Variants in BRPF1 observed in about 807,000 individuals in gnomAD.
BRPF1 encodes peregrin.
In BRPF1, 15 loss-of-function variants were observed where a neutral mutation model predicts 115.0. The observed-to-expected ratio is 0.13, with a 90% CI of 0.09 to 0.20. BRPF1 has a LOEUF of 0.20. BRPF1 is among the 10% of genes least tolerant of loss of function. The probability of loss-of-function intolerance (pLI) is 1.00; values close to 1 mark genes in which losing one functional copy is unlikely to be tolerated. For missense variants in BRPF1, 1,118 were observed against 1,638.3 expected, an observed-to-expected ratio of 0.68 and a Z score of 5.48; for synonymous variants, 647 against 619.8, an observed-to-expected ratio of 1.04 and a Z score of -0.65.
At position 9,738,411 on chromosome 3, in the gene BRPF1, G is replaced by T. The variant is rs1013793085; in HGVS notation, c.600-588G>T. ...TCAGTAAACCTTAGCTATTATAATTGTTATCTCCCAAGGCTATCCAGTGAA... is the reference window on the plus strand; with the variant it reads ...TCAGTAAACCTTAGCTATTATAATTTTTATCTCCCAAGGCTATCCAGTGAA... On this transcript the variant is annotated intron_variant, in intron 2 of 13. Coordinates refer to ENST00000383829, the MANE Select transcript of BRPF1 (RefSeq NM_001003694.2). Among the ~76,000 whole-genome samples the T allele has an allele frequency of 4.7e-4, 71 of 152,298 alleles. 3 individuals carry two copies. Among genetic ancestry groups the T allele is most frequent in the Admixed American group, 4.6e-3 (71 of 15,298 alleles).
intron 3 of BRPF1, 112 bp from the exon 4 acceptor site, chr3:9,740,667 A>C: frequency 3.7e-6 from 5 of 1,358,712 alleles, no homozygotes; most frequent in Non-Finnish European, 5.1e-6. Context: ...CTTTTGGACA[A>C]GAGATCCTCT....
At position 9,739,528 on chromosome 3, in the gene BRPF1, A is replaced by G. The variant is rs1358225322; in HGVS notation, c.1129A>G (p.Ile377Val). Residue 377 changes from isoleucine (I) to valine (V), a missense_variant, in exon 3 of 14, where the codon ATC becomes GTC. Physicochemically the swap from Ile to Val is conservative, Grantham distance 29. Coordinates refer to ENST00000383829, the MANE Select transcript of BRPF1 (RefSeq NM_001003694.2). ...FLEPIDSIEH[I>V]PPARWKLTCY... ...AGAGCCTATTGACAGCATTGAGCAC[A>G]TCCCACCAGCTCGCTGGAAGCTCAC... The G allele has an allele frequency of 1.2e-6, 2 of 1,613,498 alleles. No individual in the cohort carries two copies. The highest frequency in any genetic ancestry group is 1.7e-6 in the Non-Finnish European group (2 of 1,179,504).
rs2076901043 is a variant in BRPF1, at chr3:9,734,191, T to A, written c.51T>A (p.Thr17=). 6.2e-7 allele frequency: 1 copy of A among 1,613,294 alleles called. No individual in the cohort carries two copies. Among genetic ancestry groups the A allele is most frequent in the Non-Finnish European group, 8.5e-7 (1 of 1,179,548 alleles). ...VKTFCHNLRA[T]KPPYECPVET... ...CTTTCTGCCACAACTTGCGGGCGACTAAGCCACCATACGAGTGCCCGGTGG... is the reference window on the plus strand; with the variant it reads ...CTTTCTGCCACAACTTGCGGGCGACAAAGCCACCATACGAGTGCCCGGTGG... The change falls in exon 2 of 14, where the codon ACT becomes ACA. Residue 17 remains threonine (T), a synonymous_variant. Transcript: ENST00000383829. The surrounding 1 kb of genome is among the most constrained non-coding windows in gnomAD (Gnocchi z 5.7).
chr3:9,742,052 A>G lies in BRPF1; in HGVS notation c.1882A>G (p.Met628Val), dbSNP rs1276975571. 1.7e-5 allele frequency: 28 copies of G among 1,614,136 alleles called. No homozygotes were observed. Among genetic ancestry groups the G allele is most frequent in the Non-Finnish European group, 2.3e-5 (27 of 1,180,024 alleles). ...CAAGGTTCAGCAGATTGCCATGGAG[A>G]TGCAGCTGACTCCTTTCCTCATCCT... ...TIKVQQIAME[M>V]QLTPFLILLR... The change falls in exon 6 of 14, where the codon ATG (methionine) becomes GTG (valine). Residue 628 changes from methionine to valine, a missense_variant. This residue lies in a region of BRPF1 where 178 missense variants were observed against 303.7 expected (regional missense o/e 0.59). Coordinates refer to ENST00000383829, the MANE Select transcript of BRPF1 (RefSeq NM_001003694.2).
intron 2 of BRPF1, among the ~76,000 whole-genome samples, chr3:9,736,527 T>G (rs1481065491): frequency 6.6e-6 from 1 of 152,122 alleles, no homozygotes; most frequent in Non-Finnish European, 1.5e-5. Context: ...CACAGACCCC[T>G]CTTTGGACTT....
At chr3:9,736,144 A>T (rs1360202453) in intron 2 of BRPF1, among the ~76,000 whole-genome samples, 1 of 148,688 alleles carries the variant, frequency 6.7e-6, no homozygotes, top group African/African-American at 2.5e-5. Context: ...AGTAGCTGGG[A>T]TTACAGGCAC....
rs976384128 is a variant in BRPF1 at position 9,747,162 on chromosome 3, A to G, written c.3480-4A>G. ...ATTTATTTGATCTTCACCTTATCCTATAGGCAGTGGCTGCCCAGGACCAAG... is the reference window on the plus strand; with the variant it reads ...ATTTATTTGATCTTCACCTTATCCTGTAGGCAGTGGCTGCCCAGGACCAAG... On this transcript the variant is annotated splice_polypyrimidine_tract_variant and splice_region_variant and intron_variant, in intron 13 of 13. Coordinates refer to ENST00000383829, the MANE Select transcript of BRPF1 (RefSeq NM_001003694.2). The surrounding 1 kb of genome is among the most constrained non-coding windows in gnomAD (Gnocchi z 5.6). The G allele has an allele frequency of 1.2e-6, 2 of 1,613,930 alleles. No homozygotes were observed. The highest frequency in any genetic ancestry group is 1.7e-5 in the Admixed American group (1 of 59,982).
chr3:9,747,113 C>A lies in BRPF1; in HGVS notation c.3480-53C>A. The A allele has an allele frequency of 6.3e-7, 1 of 1,596,692 alleles. No individual in the cohort carries two copies. The highest frequency in any genetic ancestry group is 8.6e-7 in the Non-Finnish European group (1 of 1,167,590). ...TGTTTGAGTGAATAGAGGAGGAAGGCTGGTCCTTGTTCTCCCTGAGATGAT... is the reference window on the plus strand; with the variant it reads ...TGTTTGAGTGAATAGAGGAGGAAGGATGGTCCTTGTTCTCCCTGAGATGAT... On this transcript the variant is annotated intron_variant, in intron 13 of 13. Transcript: ENST00000383829. The surrounding 1 kb of genome is among the most constrained non-coding windows in gnomAD (Gnocchi z 5.6).
intron 2 of BRPF1, among the ~76,000 whole-genome samples, chr3:9,737,918 T>G (rs2076968689): frequency 6.6e-6 from 1 of 152,090 alleles, no homozygotes; most frequent in African/African-American, 2.4e-5. Flanking sequence ...TCTTTGTGAG[T>G]GGGTAGTATT....
Position 9,745,534 on chromosome 3 carries a change from C to G in BRPF1, c.3069-39C>G. On this transcript the variant is annotated intron_variant, in intron 10 of 13. Coordinates refer to ENST00000383829, the MANE Select transcript of BRPF1 (RefSeq NM_001003694.2). This position sits in a 1 kb window ranked among gnomAD's most constrained non-coding sequence, Gnocchi z 5.1. ...ACATACCATGCTGTTCCCCATTCTTCCCCTCCTTTGAGCTGAGCTCCCATT... is the reference window on the plus strand; with the variant it reads ...ACATACCATGCTGTTCCCCATTCTTGCCCTCCTTTGAGCTGAGCTCCCATT... The G allele has an allele frequency of 6.2e-7, 1 of 1,604,996 alleles. No homozygotes were observed. The highest frequency in any genetic ancestry group is 2.2e-5 in the East Asian group (1 of 44,706).
chr3:9,739,134 T>G lies in BRPF1; in HGVS notation c.735T>G (p.Phe245Leu). 1.2e-6 allele frequency: 2 copies of G among 1,614,042 alleles called. No homozygotes were observed. Among genetic ancestry groups the G allele is most frequent in the Non-Finnish European group, 1.7e-6 (2 of 1,179,938 alleles). The change falls in exon 3 of 14, where the codon TTT becomes TTG. Residue 245 changes from phenylalanine (F) to leucine (L), a missense_variant. By Grantham distance (22) the Phe-to-Leu change is conservative. Transcript: ENST00000383829. ...TAAGTCCCATCCCGCAGGAGATCTT[T>G]GAGTACCTAATGGACCGACTGGAGA... ...EGVSPIPQEI[F>L]EYLMDRLEKE...
At position 9,743,144 on chromosome 3, in the gene BRPF1, G is replaced by C. The variant is rs745346315; in HGVS notation, c.2202G>C (p.Val734=). ...AVRLREQGGA[V]LRQARRQAEK... ...GGCTTCGTGAGCAGGGTGGTGCTGT[G>C]CTCCGCCAGGCCCGGCGCCAGGCAG... The change falls in exon 7 of 14, where the codon GTG becomes GTC. Residue 734 remains valine (V), a synonymous_variant. Transcript: ENST00000383829. The surrounding 1 kb of genome is among the most constrained non-coding windows in gnomAD (Gnocchi z 6.1). 2.6e-5 allele frequency: 42 copies of C among 1,614,116 alleles called. No homozygotes were observed. Among genetic ancestry groups the C allele is most frequent in the Non-Finnish European group, 6.8e-6 (8 of 1,180,048 alleles).
In BRPF1 at chr3:9,734,316, G is replaced by C; in HGVS notation, c.176G>C (p.Arg59Pro). 6.2e-7 allele frequency: 1 copy of C among 1,614,026 alleles called. No individual in the cohort carries two copies. The highest frequency in any genetic ancestry group is 8.5e-7 in the Non-Finnish European group (1 of 1,180,022). Residue 59 changes from arginine to proline, a missense_variant, in exon 2 of 14, where the codon CGC becomes CCC. Physicochemically the swap from Arg to Pro is moderately radical, Grantham distance 103 (BLOSUM62 -2). Transcript: ENST00000383829. This position sits in a 1 kb window ranked among gnomAD's most constrained non-coding sequence, Gnocchi z 5.7. ...CCACCCCCACAACAAACTCCACTCCGCAAGCACAAGAAAAAGGGGCGCCAG... is the reference window on the plus strand; with the variant it reads ...CCACCCCCACAACAAACTCCACTCCCCAAGCACAAGAAAAAGGGGCGCCAG... ...NPPPPQQTPL[R>P]KHKKKGRQSR...
At chr3:9,735,381 A>G (rs1445990871) in intron 2 of BRPF1, among the ~76,000 whole-genome samples, 1 of 152,182 alleles carries the variant, frequency 6.6e-6, no homozygotes, top group East Asian at 1.9e-4. Context: ...CTCTGACTCC[A>G]TAGCTGTACT....
chr3:9,744,830 G>A (rs929857754), intron 9 of BRPF1, among the ~76,000 whole-genome samples, 178 bp from the exon 10 acceptor site: 2 of 152,194 alleles, frequency 1.3e-5, no homozygotes, highest in African/African-American at 4.8e-5. Flanking sequence ...AAGGGGTGGA[G>A]CAGGGCTGTG....
chr3:9,746,527 G>T, intron 13 of BRPF1, 73 bp downstream of exon 13: 1 of 1,423,920 alleles, frequency 7.0e-7, no homozygotes, highest in East Asian at 2.5e-5. Context: ...CAGACTGCCA[G>T]GAAACTCCAG....
At chr3:9,741,115 T>G (rs772270535) in intron 4 of BRPF1, among the ~76,000 whole-genome samples, 174 bp downstream of exon 4, 3 of 152,244 alleles carry the variant, frequency 2.0e-5, no homozygotes, top group Non-Finnish European at 4.4e-5. Flanking sequence ...TCCTATGTGT[T>G]TATGTATTCA....
chr3:9,738,143 C>T (rs1448718172), intron 2 of BRPF1, among the ~76,000 whole-genome samples: 1 of 152,128 alleles, frequency 6.6e-6, no homozygotes, highest in Non-Finnish European at 1.5e-5. Flanking sequence ...CCGAGAGCAG[C>T]CCTCAATTCC....
intron 2 of BRPF1, among the ~76,000 whole-genome samples, chr3:9,736,780 TA>T (rs1228571246): frequency 6.6e-6 from 1 of 152,258 alleles, no homozygotes; most frequent in Non-Finnish European, 1.5e-5. Context: ...ACTTTTTATA[TA>T]AATTGAGAAG....
Sources: allele counts gnomAD v4.1 joint callset (sites outside exome capture counted in the v4.1 genomes callset), GRCh38; gene constraint gnomAD v4.1.1; regional missense constraint gnomAD v4.1.1; non-coding constraint Gnocchi (gnomAD v3.1); transcripts MANE v1.5; gene names NCBI Gene and HGNC (gene_info 2026-07-23, HGNC 2026-07-21).